The following RNF182 variants were observed in gnomAD, a reference collection of about 807,000 sequenced individuals.
The protein encoded by RNF182 is ring finger protein 182, also known as E3 ubiquitin-protein ligase RNF182.
In RNF182, 15 loss-of-function variants were observed where a neutral mutation model predicts 14.4. The ratio of observed to expected loss-of-function variants is 1.04; its 90% CI spans 0.70 to 1.60. RNF182 has a LOEUF of 1.60. Among genes scored for constraint, RNF182 ranks in the 40% most tolerant of loss-of-function variants. The pLI, the probability that RNF182 is intolerant of heterozygous loss-of-function variation, is 0.00. For missense variants in RNF182, 268 were observed against 294.8 expected (o/e 0.91, Z 0.67); for synonymous variants, 128 against 122.9 (o/e 1.04, Z -0.27).
intron 1 of RNF182, among the ~76,000 whole-genome samples, chr6:13,942,977 G>A (rs1759338555): frequency 6.6e-6 from 1 of 152,124 alleles, no homozygotes. Context: ...TAAATTCACA[G>A]AGTTCTGCAA....
At chr6:13,956,478 C>A (rs1759735247) in intron 1 of RNF182, among the ~76,000 whole-genome samples, 1 of 152,058 alleles carries the variant, frequency 6.6e-6, no homozygotes, top group South Asian at 2.1e-4. Context: ...ATGCATGCCA[C>A]CACACCCAGC....
At chr6:13,976,149 T>G (rs1247776971) in intron 2 of RNF182, among the ~76,000 whole-genome samples, 2 of 152,234 alleles carry the variant, frequency 1.3e-5, no homozygotes, top group Non-Finnish European at 2.9e-5. Flanking sequence ...TTTCTTCATG[T>G]CTAGAGACAT....
upstream of RNF182, chr6:13,924,815 T>C (rs1277627630): frequency 1.3e-5 from 2 of 150,932 alleles, no homozygotes; most frequent in African/African-American, 4.9e-5. Context: ...CCTCTCCGAA[T>C]ACCCGGACTG....
chr6:13,939,269 G>T (rs1759223261), intron 1 of RNF182, among the ~76,000 whole-genome samples: 1 of 152,110 alleles, frequency 6.6e-6, no homozygotes, highest in African/African-American at 2.4e-5. Context: ...GATTGGAATT[G>T]CATTGACTGT....
intron 1 of RNF182, among the ~76,000 whole-genome samples, chr6:13,952,380 A>AT (rs1401005645): frequency 6.6e-6 from 1 of 152,174 alleles, no homozygotes; most frequent in Non-Finnish European, 1.5e-5. Context: ...TTCAAGGCAG[A>AT]TTAATCCACA....
chr6:13,953,764 A>C (rs377295507), intron 1 of RNF182, among the ~76,000 whole-genome samples: 1 of 152,210 alleles, frequency 6.6e-6, no homozygotes, highest in South Asian at 2.1e-4. Flanking sequence ...GGTCCTGCTC[A>C]TGCGACATTG....
In RNF182 at chr6:13,949,752, A is replaced by G. The variant is rs115893620; in HGVS notation, c.-366-24458A>G. The G allele has an allele frequency of 1.1e-3, 202 of 189,036 alleles. 1 individual carries two copies. Among genetic ancestry groups the G allele is most frequent in the African/African-American group, 4.5e-3 (189 of 42,274 alleles). 11.7% of individuals were successfully genotyped at this position (189,036 alleles called of 1,614,324 possible). On this transcript the variant is annotated intron_variant, in intron 1 of 2. Coordinates refer to ENST00000488300, the MANE Select transcript of RNF182 (RefSeq NM_152737.4). The stretch of plus-strand genomic sequence containing the variant: ...CAAAAATGGGTAAGTATAAAACTTG[A>G]TGTAAATTGTACCAACGAATAGGTA...
intron 1 of RNF182, among the ~76,000 whole-genome samples, chr6:13,955,339 A>G (rs535505973): frequency 5.3e-5 from 8 of 152,348 alleles, no homozygotes; most frequent in Admixed American, 3.9e-4. Context: ...AAATCCTTCT[A>G]TAAAAAGAAT....
intron 1 of RNF182, among the ~76,000 whole-genome samples, chr6:13,967,870 T>G (rs1760074906): frequency 6.6e-6 from 1 of 152,172 alleles, no homozygotes; most frequent in Non-Finnish European, 1.5e-5. Context: ...CTGTATTACC[T>G]TTATATCAAA....
rs184880295 is a variant in RNF182, at chr6:13,928,796, G to C, written c.-367+3773G>C. On this transcript the variant is annotated intron_variant, in intron 1 of 2. Transcript: ENST00000488300. ...GGTAGAGGCAGCAGTGAGTTAAAAG[G>C]TGTTAAAGAGATCAATACATACTGA... Among the ~76,000 whole-genome samples the C allele has an allele frequency of 1.2e-4, 18 of 151,866 alleles. No individual in the cohort carries two copies. In the East Asian group the frequency reaches 3.3e-3, roughly 28 times the overall value.
intron 1 of RNF182, among the ~76,000 whole-genome samples, chr6:13,955,749 A>G (rs1424266067): frequency 6.6e-6 from 1 of 152,062 alleles, no homozygotes; most frequent in Non-Finnish European, 1.5e-5. Context: ...CCATGGTACC[A>G]TTTTTTAAAA....
rs558450098 is a variant in RNF182, at chr6:13,970,769, G to GA, written c.-366-3434dup. Among the ~76,000 whole-genome samples, 157 of 152,154 alleles carry GA rather than the reference G, an allele frequency of 1.0e-3. 2 individuals are homozygous for GA. The highest frequency in any genetic ancestry group is 3.4e-3 in the Middle Eastern group (1 of 294). On this transcript the variant is annotated intron_variant, in intron 1 of 2. Coordinates refer to ENST00000488300, the MANE Select transcript of RNF182 (RefSeq NM_152737.4). ...TAGATACGTGACATTTCAATTTTGT[G>GA]AAAAAAATTAATGGACTTACATACA...
intron 1 of RNF182, among the ~76,000 whole-genome samples, chr6:13,939,830 A>G (rs1021458458): frequency 2.6e-4 from 39 of 152,220 alleles, no homozygotes; most frequent in Non-Finnish European, 4.0e-4. Flanking sequence ...GGCGTGAGCC[A>G]CTGTGCCCGG....
chr6:13,968,251 G>T (rs945698808), intron 1 of RNF182, among the ~76,000 whole-genome samples: 4 of 152,164 alleles, frequency 2.6e-5, no homozygotes, highest in Non-Finnish European at 5.9e-5. Context: ...ACAATCAGGG[G>T]CAGAGGTGAT....
intron 1 of RNF182, among the ~76,000 whole-genome samples, chr6:13,970,523 A>G (rs1760149081): frequency 6.6e-6 from 1 of 152,164 alleles, no homozygotes; most frequent in African/African-American, 2.4e-5. Flanking sequence ...TATCTTTGCT[A>G]TTGTGGATAG....
chr6:13,954,069 A>G (rs746005442), intron 1 of RNF182, among the ~76,000 whole-genome samples: 1 of 152,202 alleles, frequency 6.6e-6, no homozygotes, highest in Non-Finnish European at 1.5e-5. Flanking sequence ...GATATAATGA[A>G]TCCCTTTTTA....
chr6:13,977,111 TAATTC>T lies in RNF182; in HGVS notation c.-6_-2del. The stretch of plus-strand genomic sequence containing the variant: ...CCCACCTGGCATAAGATTGCACACA[TAATTC>T]AAGATGGCCAGTCAACCTCCTGAAG... On this transcript the variant is annotated 5_prime_UTR_variant, in exon 3 of 3. Transcript: ENST00000488300. The T allele has an allele frequency of 6.2e-7, 1 of 1,606,572 alleles. No homozygotes were observed. The highest frequency in any genetic ancestry group is 8.5e-7 in the Non-Finnish European group (1 of 1,175,386).
At position 13,978,036 on chromosome 6, in the gene RNF182, T is replaced by A; in HGVS notation, c.*173T>A. 2 of 752,484 alleles carry A rather than the reference T, an allele frequency of 2.7e-6. No individual in the cohort carries two copies. Among genetic ancestry groups the A allele is most frequent in the Admixed American group, 2.9e-5 (1 of 33,920 alleles). 46.6% of individuals were successfully genotyped at this position (752,484 alleles called of 1,614,324 possible). A position where few individuals can be genotyped will look rare whatever the true frequency, so the allele number is the denominator to read the frequency against. ...TCCTGTAGGCTGGAAGTAAAAATGT[T>A]CATTTCTACTTAGGGGTTAGCAAAA... is the stretch of plus-strand genomic sequence containing the variant. On this transcript the variant is annotated 3_prime_UTR_variant, in exon 3 of 3. Coordinates refer to ENST00000488300, the MANE Select transcript of RNF182 (RefSeq NM_152737.4).
intron 1 of RNF182, among the ~76,000 whole-genome samples, chr6:13,966,530 A>C (rs992996689): frequency 2.0e-5 from 3 of 152,170 alleles, no homozygotes; most frequent in African/African-American, 2.4e-5. Flanking sequence ...TGGGAGGCCA[A>C]GGTAGGTGGA....
Sources: allele counts gnomAD v4.1 joint callset (sites outside exome capture counted in the v4.1 genomes callset), GRCh38; gene constraint gnomAD v4.1.1; transcripts MANE v1.5; gene names NCBI Gene and HGNC (gene_info 2026-07-23, HGNC 2026-07-21).